The following ALK variants were observed in gnomAD, a reference collection of about 807,000 sequenced individuals.
ALK encodes the protein ALK tyrosine kinase receptor.
In ALK, 74 loss-of-function variants were observed where a neutral mutation model predicts 163.1. That is an observed-to-expected ratio of 0.45 (90% CI 0.38 to 0.55). ALK has a LOEUF of 0.55. Among genes scored for constraint, ALK ranks in the 20% least tolerant of loss-of-function variants. The probability of loss-of-function intolerance (pLI) is 0.00; values close to 1 mark genes in which losing one functional copy is unlikely to be tolerated. For missense variants in ALK, 2,063 were observed against 2,105.3 expected, an observed-to-expected ratio of 0.98 and a Z score of 0.39; for synonymous variants, 960 against 843.2, an observed-to-expected ratio of 1.14 and a Z score of -2.40.
chr2:29,343,618 C>A (rs770379111), intron 5 of ALK, among the ~76,000 whole-genome samples: 1 of 152,110 alleles, frequency 6.6e-6, no homozygotes, highest in African/African-American at 2.4e-5. Context: ...TTTCTCCCTG[C>A]GCTGTGGTTC....
chr2:29,247,692 G>C lies in ALK; in HGVS notation c.2204+3413C>G, dbSNP rs565392471. On this transcript the variant is annotated intron_variant, in intron 12 of 28. Transcript: ENST00000389048. ...CTGGAGGAGGCCCCAGGCAATGGTG[G>C]CCCCCCCTTGGCATGAAGTTGGGGC... 3.9e-5 allele frequency among the ~76,000 whole-genome samples: 6 copies of C among 152,208 alleles called. No homozygotes were observed. In the East Asian group the frequency reaches 9.7e-4, roughly 25 times the overall value.
At chr2:29,548,990 A>G (rs1395403424) in intron 3 of ALK, among the ~76,000 whole-genome samples, 1 of 152,118 alleles carries the variant, frequency 6.6e-6, no homozygotes, top group Non-Finnish European at 1.5e-5. Context: ...CATGAAATCA[A>G]TTTAGTGGGT....
intron 6 of ALK, among the ~76,000 whole-genome samples, chr2:29,324,563 G>C (rs570756364): frequency 1.1e-4 from 16 of 152,332 alleles, no homozygotes; most frequent in African/African-American, 3.4e-4. Context: ...CTGGCAGGAA[G>C]AGTATCCCCA....
chr2:29,383,924 T>C (rs980127514), intron 4 of ALK, 65 bp from the exon 5 acceptor site: 4 of 1,602,166 alleles, frequency 2.5e-6, no homozygotes, highest in African/African-American at 1.3e-5. Flanking sequence ...AGGCCTAACA[T>C]GTGGACAGGG....
intron 3 of ALK, among the ~76,000 whole-genome samples, chr2:29,649,148 G>A (rs1440137888): frequency 6.6e-6 from 1 of 151,854 alleles, no homozygotes; most frequent in African/African-American, 2.4e-5. Context: ...CTTTTATAGT[G>A]TGGGATTCAA....
At chr2:29,743,954 A>G (rs1411149583) in intron 1 of ALK, among the ~76,000 whole-genome samples, 1 of 151,954 alleles carries the variant, frequency 6.6e-6, no homozygotes, top group South Asian at 2.1e-4. Flanking sequence ...ATAAAAAAAA[A>G]AATGCTTAGA....
At chr2:29,200,327 C>G (rs959330002) in intron 26 of ALK, among the ~76,000 whole-genome samples, 1 of 152,132 alleles carries the variant, frequency 6.6e-6, no homozygotes, top group Non-Finnish European at 1.5e-5. Context: ...TTTGAGAGCA[C>G]TAATAGAACT....
chr2:29,705,631 T>C (rs72866129), intron 2 of ALK, among the ~76,000 whole-genome samples: 3 of 151,984 alleles, frequency 2.0e-5, no homozygotes, highest in African/African-American at 7.3e-5. Flanking sequence ...GGCTCCCAAG[T>C]TGGAAATTTG....
At chr2:29,545,290 G>A (rs4522562) in intron 3 of ALK, among the ~76,000 whole-genome samples, 21,124 of 152,054 alleles carry the variant, frequency 0.14, 1,759 homozygotes, top group East Asian at 0.34. Flanking sequence ...TTGTTCATGT[G>A]GTCTTATGAA....
At chr2:29,550,189 T>C (rs1673678306) in intron 3 of ALK, among the ~76,000 whole-genome samples, 1 of 152,218 alleles carries the variant, frequency 6.6e-6, no homozygotes. Flanking sequence ...TTGCAAGGTT[T>C]ACTGCATTTT....
intron 4 of ALK, among the ~76,000 whole-genome samples, chr2:29,396,489 C>T (rs1209322865): frequency 6.6e-6 from 1 of 152,116 alleles, no homozygotes; most frequent in Non-Finnish European, 1.5e-5. Context: ...GCCTGACCAA[C>T]ATGGTGAAAC....
chr2:29,604,694 T>C (rs1314742151), intron 3 of ALK, among the ~76,000 whole-genome samples: 1 of 152,216 alleles, frequency 6.6e-6, no homozygotes, highest in Non-Finnish European at 1.5e-5. Flanking sequence ...TCCATTCCAT[T>C]ATAAAATGCA....
At chr2:29,470,078 A>T (rs1487541026) in intron 4 of ALK, among the ~76,000 whole-genome samples, 2 of 152,192 alleles carry the variant, frequency 1.3e-5, no homozygotes, top group Non-Finnish European at 2.9e-5. Flanking sequence ...AGAAGTGAAA[A>T]ATACAATAAC....
chr2:29,772,604 G>A (rs1041342257), intron 1 of ALK, among the ~76,000 whole-genome samples: 1 of 152,148 alleles, frequency 6.6e-6, no homozygotes, highest in Non-Finnish European at 1.5e-5. Flanking sequence ...AGCAACACAA[G>A]TGTATTATTT....
At chr2:29,499,419 C>T (rs1672111495) in intron 4 of ALK, among the ~76,000 whole-genome samples, 1 of 152,132 alleles carries the variant, frequency 6.6e-6, no homozygotes. Flanking sequence ...TGGTTTTGAA[C>T]CCCTGGCCTC....
chr2:29,505,866 G>A (rs1473245348), intron 4 of ALK, among the ~76,000 whole-genome samples: 3 of 151,844 alleles, frequency 2.0e-5, no homozygotes, highest in Non-Finnish European at 2.9e-5. Flanking sequence ...CATTCATGGG[G>A]TGAATGAATA....
chr2:29,444,298 G>A (rs762220105), intron 4 of ALK, among the ~76,000 whole-genome samples: 2 of 152,182 alleles, frequency 1.3e-5, no homozygotes, highest in Non-Finnish European at 2.9e-5. Flanking sequence ...ACTGGCTGGT[G>A]CAAGATGCAG....
intron 3 of ALK, among the ~76,000 whole-genome samples, chr2:29,600,560 G>A (rs1292225708): frequency 6.6e-6 from 1 of 152,206 alleles, no homozygotes. Context: ...GAGAGAAACA[G>A]ATCCTAAGCC....
rs552683083 is a variant in ALK at position 29,324,555 on chromosome 2, G to T, written c.1415-3673C>A. 3.3e-5 allele frequency among the ~76,000 whole-genome samples: 5 copies of T among 152,220 alleles called. No individual in the cohort carries two copies. The South Asian group carries it at 6.2e-4, about 19-fold the overall frequency. On this transcript the variant is annotated intron_variant, in intron 6 of 28. Transcript: ENST00000389048. ...CACTTTTAAAACACTGTTTTTGCCT[G>T]GCAGGAAGAGTATCCCCAGCACACA...
Sources: gnomAD v4.1 joint callset for allele counts (sites outside exome capture counted in the v4.1 genomes callset) on GRCh38, gnomAD v4.1.1 for gene constraint, MANE v1.5 for transcripts, NCBI Gene and HGNC (gene_info 2026-07-23, HGNC 2026-07-21) for gene names.